ANO9: variants seen among roughly 807,000 people sequenced by gnomAD.
ANO9 encodes anoctamin 9.
A neutral mutation model predicts 100.5 loss-of-function variants in ANO9; 80 were observed. The ratio of observed to expected loss-of-function variants is 0.80; its 90% CI spans 0.66 to 0.96. The LOEUF is 0.96. ANO9 is among the 40% of genes least tolerant of loss of function. The pLI, the probability that ANO9 is intolerant of heterozygous loss-of-function variation, is 0.00. For synonymous variants in ANO9, 473 were observed against 435.6 expected (o/e 1.09, Z -1.07); for missense variants, 1,064 against 1,072.7 (o/e 0.99, Z 0.11).
At chr11:425,831 A>ACACCATTCTGCCTCAGCCTCCC (rs1192351836) in intron 15 of ANO9, among the ~76,000 whole-genome samples, 1 of 151,820 alleles carries the variant, frequency 6.6e-6, no homozygotes, top group African/African-American at 2.4e-5. Flanking sequence ...TCCCGGGTTC[A>ACACCATTCTGCCTCAGCCTCCC]CACCATTCTG....
In ANO9 at chr11:420,711, C is replaced by T. The variant is rs778482238; in HGVS notation, c.1633+7G>A. The stretch of plus-strand genomic sequence containing the variant: ...CCGCGAACCCCCGCCCCGCAGCGCC[C>T]ACGCACTCATCTCCATGAACTCGTC... On this transcript the variant is annotated splice_region_variant and intron_variant, in intron 18 of 22. Coordinates refer to ENST00000332826, the MANE Select transcript of ANO9 (RefSeq NM_001012302.3). 1.9e-6 allele frequency: 3 copies of T among 1,607,186 alleles called. No homozygotes were observed. The highest frequency in any genetic ancestry group is 1.1e-5 in the South Asian group (1 of 90,682).
At position 429,551 on chromosome 11, in the gene ANO9, G is replaced by GC. The variant is rs1564918892; in HGVS notation, c.915+18dup. 1 of 1,611,824 alleles carries GC rather than the reference G, an allele frequency of 6.2e-7. No individual in the cohort carries two copies. The highest frequency in any genetic ancestry group is 1.7e-5 in the Admixed American group (1 of 59,980). On this transcript the variant is annotated intron_variant, in intron 11 of 22. Transcript: ENST00000332826. ...CCCTGCTCGGGTCGGCCTCAGCTGC[G>GC]CTGCCAGCTCCACCTCACCTGTTCC...
chr11:439,767 G>A (rs890296813), intron 1 of ANO9, among the ~76,000 whole-genome samples: 1 of 152,102 alleles, frequency 6.6e-6, no homozygotes, highest in Non-Finnish European at 1.5e-5. Context: ...CCCAGCCCAC[G>A]CATCCTCTGA....
chr11:439,704 G>A (rs371598229), intron 1 of ANO9, among the ~76,000 whole-genome samples: 1 of 152,112 alleles, frequency 6.6e-6, no homozygotes, highest in African/African-American at 2.4e-5. Context: ...CTGCCCCACC[G>A]CAGTCCCAAG....
rs1848136228 is a variant in ANO9, at chr11:420,876, C to T, written c.1491-16G>A. 3.1e-6 allele frequency: 5 copies of T among 1,587,890 alleles called. No homozygotes were observed. Among genetic ancestry groups the T allele is most frequent in the South Asian group, 2.2e-5 (2 of 89,430 alleles). ...GGTCACCCACCTGCGGGGAGAGCTG[C>T]GTGGCAGGGAGGGCGCAGGGGGCGG... On this transcript the variant is annotated splice_polypyrimidine_tract_variant and intron_variant, in intron 17 of 22. Transcript: ENST00000332826.
At chr11:418,857 G>A (rs1367332577) in intron 21 of ANO9, 31 bp downstream of exon 21, 2 of 1,613,550 alleles carry the variant, frequency 1.2e-6, no homozygotes, top group Non-Finnish European at 1.7e-6. Context: ...GGAGTTCAGA[G>A]GGCATTCTTG....
chr11:425,765 T>G (rs1848482951), intron 15 of ANO9, among the ~76,000 whole-genome samples: 3 of 152,076 alleles, frequency 2.0e-5, no homozygotes, highest in Admixed American at 6.5e-5. Flanking sequence ...GGAGTCTCAC[T>G]CTGTCGCCCA....
rs962770064 is a variant in ANO9 at position 441,984 on chromosome 11, G to A, written c.-58C>T. 9 of 1,586,178 alleles carry A rather than the reference G, an allele frequency of 5.7e-6. No homozygotes were observed. Among genetic ancestry groups the A allele is most frequent in the South Asian group, 3.4e-5 (3 of 88,144 alleles). On this transcript the variant is annotated 5_prime_UTR_variant, in exon 1 of 23. Transcript: ENST00000332826. ...GGCGGCCAGGAGAGTGGCTGCCAGC[G>A]GCGGGTGCTCCTACCTGACTTCCGC... is the stretch of plus-strand genomic sequence containing the variant.
chr11:437,784 G>C (rs1845479462), intron 1 of ANO9, among the ~76,000 whole-genome samples: 1 of 152,170 alleles, frequency 6.6e-6, no homozygotes. Context: ...TGTGTTGGAG[G>C]GATTCATGGG....
rs1022828213 is a variant in ANO9 at position 422,317 on chromosome 11, A to G, written c.1335-1119T>C. Among the ~76,000 whole-genome samples, 4 of 152,234 alleles carry G rather than the reference A, an allele frequency of 2.6e-5. No homozygotes were observed. The highest frequency in any genetic ancestry group is 4.4e-5 in the Non-Finnish European group (3 of 68,040). Reference sequence around the variant, plus strand: ...GTAGTCAGAGCGATGGGCCGCAAAGACGTCCACGTGCTCATTCTTGGAGCC... The same window carrying G: ...GTAGTCAGAGCGATGGGCCGCAAAGGCGTCCACGTGCTCATTCTTGGAGCC... On this transcript the variant is annotated intron_variant, in intron 15 of 22. Coordinates refer to ENST00000332826, the MANE Select transcript of ANO9 (RefSeq NM_001012302.3). The surrounding 1 kb of genome is among the most constrained non-coding windows in gnomAD (Gnocchi z 4.3).
At chr11:431,810 C>T (rs1020297190) in intron 6 of ANO9, 38 bp downstream of exon 6, 1 of 1,612,146 alleles carries the variant, frequency 6.2e-7, no homozygotes, top group African/African-American at 1.3e-5. Context: ...TCCCAGGGTC[C>T]CACCCCAGGG....
intron 11 of ANO9, among the ~76,000 whole-genome samples, chr11:429,218 C>A (rs58631550): frequency 1.8e-4 from 23 of 130,952 alleles, no homozygotes; most frequent in Middle Eastern, 9.7e-3. Context: ...GGACACTCAC[C>A]CCACACGTGG....
Position 420,523 on chromosome 11 carries a change from C to A in ANO9, c.1726G>T (p.Asp576Tyr). The A allele has an allele frequency of 1.2e-6, 2 of 1,605,956 alleles. No individual in the cohort carries two copies. Among genetic ancestry groups the A allele is most frequent in the Non-Finnish European group, 8.5e-7 (1 of 1,179,594 alleles). The change falls in exon 19 of 23, where the codon GAC (aspartate) becomes TAC (tyrosine). Residue 576 changes from aspartate to tyrosine, a missense_variant. By Grantham distance (160) the Asp-to-Tyr change is radical (BLOSUM62 -3). Transcript: ENST00000332826. ...TGCAACCAGACCATCTTGATGGCGT[C>A]CAGGCGGATCTCCACGAGGTTGCTG... ...LFSNLVEIRLDAIKMVWLQRR... is the reference protein window; with the variant it reads ...LFSNLVEIRLYAIKMVWLQRR...
intron 3 of ANO9, 56 bp downstream of exon 3, chr11:433,759 T>C: frequency 6.7e-7 from 1 of 1,489,478 alleles, no homozygotes. Flanking sequence ...GCCCTGCCCC[T>C]CGCTGGACAC....
At chr11:441,677 G>A (rs941847861) in intron 1 of ANO9, among the ~76,000 whole-genome samples, 2 of 152,126 alleles carry the variant, frequency 1.3e-5, no homozygotes, top group African/African-American at 4.8e-5. Context: ...TCAGAATCCC[G>A]GGCTGGAGGG....
Position 419,710 on chromosome 11 carries a change from C to T in ANO9, c.1806G>A (p.Leu602=). 6.2e-7 allele frequency: 1 copy of T among 1,613,208 alleles called. No individual in the cohort carries two copies. Among genetic ancestry groups the T allele is most frequent in the South Asian group, 1.1e-5 (1 of 91,072 alleles). The change falls in exon 20 of 23, where the codon CTG becomes CTA. Residue 602 remains leucine, a synonymous_variant. Transcript: ENST00000332826. ...AKDIGTWLQV[L]ETIGVLAVIA... ...TGACCGCCAGCACACCGATGGTCTC[C>T]AGCACCTGCAGCCAGGTCCCTGCAC...
In ANO9 at chr11:433,867, G is replaced by A. The variant is rs12575508; in HGVS notation, c.152C>T (p.Ala51Val). ...QRHTQRDPRQ[A>V]RQQQFLEELR... ...CTCCTCCAGGAACTGTTGCTGCCGCGCCTGCCGGGGGTCTCTCTGGGTGTG... is the reference window on the plus strand; with the variant it reads ...CTCCTCCAGGAACTGTTGCTGCCGCACCTGCCGGGGGTCTCTCTGGGTGTG... The change falls in exon 3 of 23, where the codon GCG becomes GTG. Residue 51 changes from alanine to valine, a missense_variant. Ala to Val is a moderately conservative substitution (Grantham distance 64, BLOSUM62 0). Transcript: ENST00000332826. 0.18 allele frequency: 287,824 copies of A among 1,562,784 alleles called. 26,930 individuals carry two copies. The highest frequency in any genetic ancestry group is 0.26 in the Middle Eastern group (1,530 of 5,996).
chr11:421,883 A>T lies in ANO9; in HGVS notation c.1335-685T>A, dbSNP rs1848220206. ...CCTATTGTAGCTCACGACAACTGGTATTTAACACGGTTCTGGAATTCCTTG... is the reference window on the plus strand; with the variant it reads ...CCTATTGTAGCTCACGACAACTGGTTTTTAACACGGTTCTGGAATTCCTTG... On this transcript the variant is annotated intron_variant, in intron 15 of 22. Coordinates refer to ENST00000332826, the MANE Select transcript of ANO9 (RefSeq NM_001012302.3). The surrounding 1 kb of genome is among the most constrained non-coding windows in gnomAD (Gnocchi z 6.8). Among the ~76,000 whole-genome samples, 1 of 152,258 alleles carries T rather than the reference A, an allele frequency of 6.6e-6. No homozygotes were observed. The highest frequency in any genetic ancestry group is 1.5e-5 in the Non-Finnish European group (1 of 68,050).
At chr11:435,441 C>A (rs1192120456) in intron 1 of ANO9, among the ~76,000 whole-genome samples, 1 of 113,914 alleles carries the variant, frequency 8.8e-6, no homozygotes, top group Admixed American at 8.7e-5. Context: ...CTAGTCTAGT[C>A]TAGTATAGCA....
Sources: gnomAD v4.1 joint callset for allele counts (sites outside exome capture counted in the v4.1 genomes callset) on GRCh38, gnomAD v4.1.1 for gene constraint, Gnocchi (gnomAD v3.1) non-coding constraint, MANE v1.5 for transcripts, NCBI Gene and HGNC (gene_info 2026-07-23, HGNC 2026-07-21) for gene names.